Variants in PSMD9 observed in about 807,000 individuals in gnomAD.
The protein encoded by PSMD9 is 26S proteasome non-ATPase regulatory subunit 9.
A neutral mutation model predicts 25.9 loss-of-function variants in PSMD9; 26 were observed. The ratio of observed to expected loss-of-function variants is 1.00; its 90% CI spans 0.73 to 1.39. PSMD9 has a LOEUF of 1.39. Among genes scored for constraint, PSMD9 ranks in the 40% most tolerant of loss-of-function variants. The pLI, the probability that PSMD9 is intolerant of heterozygous loss-of-function variation, is 0.00. For missense variants in PSMD9, 303 were observed against 299.3 expected (o/e 1.01, Z -0.09); for synonymous variants, 110 against 114.5 (o/e 0.96, Z 0.25).
chr12:121,895,573 T>C (rs1276017700), intron 2 of PSMD9, among the ~76,000 whole-genome samples: 1 of 152,204 alleles, frequency 6.6e-6, no homozygotes, highest in Non-Finnish European at 1.5e-5. Flanking sequence ...GGGGAGAACC[T>C]GTTCCTGGTC....
intron 2 of PSMD9, among the ~76,000 whole-genome samples, 191 bp downstream of exon 2, chr12:121,895,032 T>TTCTC (rs375696363): frequency 1.3e-5 from 2 of 151,184 alleles, no homozygotes; most frequent in Admixed American, 6.6e-5. Flanking sequence ...TGGTTTCATT[T>TTCTC]TCTCTCTCTC....
At chr12:121,901,131 A>C (rs1476867098) in intron 3 of PSMD9, among the ~76,000 whole-genome samples, 1 of 151,896 alleles carries the variant, frequency 6.6e-6, no homozygotes, top group East Asian at 1.9e-4. Context: ...AGCCATAATC[A>C]ATTTCAGAAC....
intron 4 of PSMD9, among the ~76,000 whole-genome samples, chr12:121,910,083 C>T (rs1178729208): frequency 2.0e-4 from 19 of 95,560 alleles, no homozygotes; most frequent in South Asian, 3.8e-4. Flanking sequence ...TAGGAAATGA[C>T]TTTTTTTTTT....
chr12:121,904,652 T>TTATTATTATTATTATTATTAA (rs1214487747), intron 4 of PSMD9, among the ~76,000 whole-genome samples: 3 of 83,304 alleles, frequency 3.6e-5, no homozygotes, highest in African/African-American at 8.7e-5. Flanking sequence ...ATTATTATTA[T>TTATTATTATTATTATTATTAA]TATTATTATT....
In PSMD9 at chr12:121,899,379, G is replaced by A. The variant is rs1370137077; in HGVS notation, c.242-255G>A. 1.3e-5 allele frequency: 6 copies of A among 473,832 alleles called. No individual in the cohort carries two copies. In the South Asian group the frequency reaches 1.4e-4, roughly 11 times the overall value. 29.4% of individuals were successfully genotyped at this position (473,832 alleles called of 1,614,324 possible). ...GCCTTCCCTCATATCCTAGACTAGC[G>A]AGGGCAGACTTTGCTGCTGGCCAGG... On this transcript the variant is annotated intron_variant, in intron 2 of 5. Coordinates refer to ENST00000541212, the MANE Select transcript of PSMD9 (RefSeq NM_002813.7).
intron 2 of PSMD9, among the ~76,000 whole-genome samples, chr12:121,896,454 A>G (rs1879231891): frequency 6.6e-6 from 1 of 151,670 alleles, no homozygotes; most frequent in Non-Finnish European, 1.5e-5. Context: ...TGGGCGACAG[A>G]GCAAACAAAA....
chr12:121,899,570 A>G (rs2135722930), intron 2 of PSMD9, 64 bp from the exon 3 acceptor site: 2 of 1,428,056 alleles, frequency 1.4e-6, no homozygotes, highest in Non-Finnish European at 1.9e-6. Context: ...TTCAGTGAAT[A>G]AATGTAGGAG....
intron 4 of PSMD9, among the ~76,000 whole-genome samples, chr12:121,910,621 G>A (rs982647184): frequency 8.6e-5 from 13 of 151,564 alleles, no homozygotes; most frequent in African/African-American, 2.7e-4. Flanking sequence ...TTAGCCGGGC[G>A]TCGTGGTGGG....
At chr12:121,915,539 T>A (rs1321380158) in intron 4 of PSMD9, 1 of 308,206 alleles carries the variant, frequency 3.2e-6, no homozygotes, top group Non-Finnish European at 6.0e-6. Flanking sequence ...TTTTGTAGAG[T>A]GCTGGGATTA....
intron 5 of PSMD9, 34 bp downstream of exon 5, chr12:121,915,978 G>A: frequency 6.3e-7 from 1 of 1,587,108 alleles, no homozygotes; most frequent in Non-Finnish European, 8.6e-7. Context: ...TCTCACTGGG[G>A]CATCATTTGA....
intron 1 of PSMD9, among the ~76,000 whole-genome samples, chr12:121,892,702 A>T (rs1592939686): frequency 7.5e-6 from 1 of 134,096 alleles, no homozygotes. Context: ...CTCTGTCTTT[A>T]AAAAAAAAAA....
chr12:121,894,788 C>A lies in PSMD9; in HGVS notation c.188C>A (p.Pro63His). 1 of 1,614,090 alleles carries A rather than the reference C, an allele frequency of 6.2e-7. No individual in the cohort carries two copies. The highest frequency in any genetic ancestry group is 1.6e-4 in the Middle Eastern group (1 of 6,062). The change falls in exon 2 of 6, where the codon CCC becomes CAC. Residue 63 changes from proline to histidine, a missense_variant. By Grantham distance (77) the Pro-to-His change is moderately conservative (BLOSUM62 -2). Coordinates refer to ENST00000541212, the MANE Select transcript of PSMD9 (RefSeq NM_002813.7). ...NEPLVDCEGYPRSDVDLYQVR... is the reference protein window; with the variant it reads ...NEPLVDCEGYHRSDVDLYQVR... ...CCGCTGGTGGACTGTGAGGGCTACC[C>A]CCGGTCAGACGTGGACCTGTACCAA...
At chr12:121,902,655 C>T (rs762218091) in intron 3 of PSMD9, 124 of 218,598 alleles carry the variant, frequency 5.7e-4, no homozygotes, top group Non-Finnish European at 1.0e-3. Context: ...CCCAGCCTGG[C>T]TTGCCTTCTC....
intron 3 of PSMD9, 137 bp downstream of exon 3, chr12:121,899,982 C>A: frequency 9.7e-7 from 1 of 1,027,682 alleles, no homozygotes; most frequent in Non-Finnish European, 1.5e-6. Context: ...CAAACACTGA[C>A]TGAGGCCTGT....
intron 2 of PSMD9, 86 bp downstream of exon 2, chr12:121,894,927 C>T (rs1168967699): frequency 5.3e-6 from 6 of 1,130,770 alleles, no homozygotes; most frequent in Non-Finnish European, 3.9e-6. Flanking sequence ...TCTGTATTAT[C>T]TACTGCCTTC....
rs1879685908 is a variant in PSMD9 at position 121,910,432 on chromosome 12, ATTTATTT to A, written c.556-5420_556-5414del. Among the ~76,000 whole-genome samples the A allele has an allele frequency of 2.0e-5, 3 of 151,460 alleles. No individual in the cohort carries two copies. The East Asian group carries it at 5.9e-4, about 30-fold the overall frequency. On this transcript the variant is annotated intron_variant, in intron 4 of 5. Transcript: ENST00000541212. ...GAGATTCCATTGATAGACCTGACAT[ATTTATTT>A]TTTTGTGGTAAATATACATAATATA...
At chr12:121,898,784 C>G (rs546633975) in intron 2 of PSMD9, 1 of 152,950 alleles carries the variant, frequency 6.5e-6, no homozygotes, top group Admixed American at 6.5e-5. Flanking sequence ...TGCAGTGGCG[C>G]GATCTCGGCT....
In PSMD9 at chr12:121,900,973, T is replaced by C. The variant is rs184371047; in HGVS notation, c.453+1128T>C. Among the ~76,000 whole-genome samples the C allele has an allele frequency of 8.6e-3, 1,079 of 125,096 alleles. 6 individuals carry two copies. Among genetic ancestry groups the C allele is most frequent in the Non-Finnish European group, 0.011 (708 of 62,486 alleles). 82.1% of individuals were successfully genotyped at this position (125,096 alleles called of 152,430 possible). A position where few individuals can be genotyped will look rare whatever the true frequency, so the allele number is the denominator to read the frequency against. ...ACACTCCAGAGCCTGGGCGACAGAG[T>C]GAGACTCTGTCTAAAAAAAAAAAAA... On this transcript the variant is annotated intron_variant, in intron 3 of 5. Coordinates refer to ENST00000541212, the MANE Select transcript of PSMD9 (RefSeq NM_002813.7).
At chr12:121,900,457 G>A (rs1311134846) in intron 3 of PSMD9, among the ~76,000 whole-genome samples, 1 of 150,824 alleles carries the variant, frequency 6.6e-6, no homozygotes, top group East Asian at 2.0e-4. Flanking sequence ...TTGGGAGGCC[G>A]AGGCCAGTGG....
Sources: gnomAD v4.1 joint callset for allele counts (sites outside exome capture counted in the v4.1 genomes callset) on GRCh38, gnomAD v4.1.1 for gene constraint, MANE v1.5 for transcripts, NCBI Gene and HGNC (gene_info 2026-07-23, HGNC 2026-07-21) for gene names.